The following DNAJC25 variants were observed in gnomAD, a reference collection of about 807,000 sequenced individuals.
DNAJC25 encodes the protein dnaJ homolog subfamily C member 25.
Under a neutral mutation model 42.1 loss-of-function variants are expected in DNAJC25, and 26 were observed. That is an observed-to-expected ratio of 0.62 (90% CI 0.45 to 0.86). DNAJC25 has a LOEUF of 0.86. Ranked by LOEUF, DNAJC25 falls within the 40% of genes least tolerant of loss-of-function variation. DNAJC25 has a pLI of 0.00. For synonymous variants in DNAJC25, 189 were observed against 179.9 expected, an observed-to-expected ratio of 1.05 and a Z score of -0.40; for missense variants, 404 against 459.4, an observed-to-expected ratio of 0.88 and a Z score of 1.10.
chr9:111,637,356 C>T (rs1830379375), intron 1 of DNAJC25, among the ~76,000 whole-genome samples: 1 of 152,108 alleles, frequency 6.6e-6, no homozygotes, highest in Non-Finnish European at 1.5e-5. Context: ...AGAAATGACA[C>T]AATCTTACGT....
chr9:111,645,255 AT>A (rs71737046), intron 1 of DNAJC25, among the ~76,000 whole-genome samples: 45,277 of 143,886 alleles, frequency 0.31, 6,890 homozygotes, highest in East Asian at 0.53. Flanking sequence ...CAGATTCAAA[AT>A]TTTTTTTTTT....
At chr9:111,647,683 C>T (rs1216737153) in intron 2 of DNAJC25, among the ~76,000 whole-genome samples, 1 of 152,216 alleles carries the variant, frequency 6.6e-6, no homozygotes, top group Non-Finnish European at 1.5e-5. Context: ...ATTGTAACAA[C>T]CAGAAATGTC....
In DNAJC25 at chr9:111,647,176, C is replaced by T; in HGVS notation, c.406C>T (p.His136Tyr). Residue 136 changes from histidine to tyrosine, a missense_variant, in exon 2 of 4, where the codon CAC becomes TAC. His to Tyr is a moderately conservative substitution (Grantham distance 83). Transcript: ENST00000313525. ...HPEEYYSHYY[H>Y]YYSRRLAPKV... ...AGAAGAGTACTACAGCCATTACTAC[C>T]ACTACTATAGCAGGCGCTTGGCCCC... The T allele has an allele frequency of 6.2e-7, 1 of 1,614,122 alleles. No homozygotes were observed. Among genetic ancestry groups the T allele is most frequent in the Non-Finnish European group, 8.5e-7 (1 of 1,180,024 alleles).
intron 2 of DNAJC25, 117 bp downstream of exon 2, chr9:111,647,376 G>A (rs2131267778): frequency 1.5e-6 from 2 of 1,339,978 alleles, no homozygotes; most frequent in African/African-American, 1.5e-5. Flanking sequence ...TTCTAGTTGA[G>A]ATCTGTTTTA....
Position 111,647,264 on chromosome 9 carries a change from G to C in DNAJC25, c.489+5G>C. On this transcript the variant is annotated splice_donor_5th_base_variant and intron_variant, in intron 2 of 3. Coordinates refer to ENST00000313525, the MANE Select transcript of DNAJC25 (RefSeq NM_001015882.3). ...TGTGCTATTTCGGTGTTTCAGGTAT[G>C]TATCAATGGATATTTTTATCTACAT... 1 of 1,613,888 alleles carries C rather than the reference G, an allele frequency of 6.2e-7. No individual in the cohort carries two copies. The highest frequency in any genetic ancestry group is 1.1e-5 in the South Asian group (1 of 91,008).
At chr9:111,653,010 A>G in intron 3 of DNAJC25, 90 bp from the exon 4 acceptor site, 1 of 1,346,568 alleles carries the variant, frequency 7.4e-7, no homozygotes, top group Non-Finnish European at 9.7e-7. Flanking sequence ...TTTACCTAAC[A>G]TTATGTTAGA....
chr9:111,654,119 C>T lies in DNAJC25; in HGVS notation c.*897C>T, dbSNP rs1481215676. Reference sequence around the variant, plus strand: ...GTGAAAAATCCGTTGTACATGAGAACATTTCTATGCATTTAAGCCAGAAAC... The same window carrying T: ...GTGAAAAATCCGTTGTACATGAGAATATTTCTATGCATTTAAGCCAGAAAC... On this transcript the variant is annotated 3_prime_UTR_variant, in exon 4 of 4. Coordinates refer to ENST00000313525, the MANE Select transcript of DNAJC25 (RefSeq NM_001015882.3). The T allele has an allele frequency of 6.6e-6, 1 of 152,046 alleles. No homozygotes were observed. The highest frequency in any genetic ancestry group is 2.4e-5 in the African/African-American group (1 of 41,386). The allele number at this position is 152,046 out of a possible 1,614,324, so 9.4% of individuals were successfully genotyped here.
intron 1 of DNAJC25, among the ~76,000 whole-genome samples, chr9:111,645,124 A>T (rs771687501): frequency 6.6e-6 from 1 of 152,248 alleles, no homozygotes; most frequent in Non-Finnish European, 1.5e-5. Flanking sequence ...GGCCCTCCAT[A>T]TAAATATATT....
chr9:111,647,399 G>T, intron 2 of DNAJC25, 140 bp downstream of exon 2: 1 of 1,129,694 alleles, frequency 8.9e-7, no homozygotes, highest in Non-Finnish European at 1.2e-6. Context: ...CATTGGCAAT[G>T]TTGGAATCTT....
At chr9:111,637,732 G>C (rs148729124) in intron 1 of DNAJC25, among the ~76,000 whole-genome samples, 4 of 152,162 alleles carry the variant, frequency 2.6e-5, no homozygotes, top group African/African-American at 4.8e-5. Flanking sequence ...GATCTGATCA[G>C]ATTGACTGCT....
chr9:111,648,264 GT>G (rs140488738), intron 2 of DNAJC25, among the ~76,000 whole-genome samples: 40,667 of 145,832 alleles, frequency 0.28, 5,871 homozygotes, highest in East Asian at 0.44. Flanking sequence ...AAACGATTCA[GT>G]TTTTTTTTTT....
At chr9:111,640,061 CGAATGCCTGCGA>C (rs1406543486) in intron 1 of DNAJC25, among the ~76,000 whole-genome samples, 1 of 151,598 alleles carries the variant, frequency 6.6e-6, no homozygotes, top group Non-Finnish European at 1.5e-5. Context: ...CTCAGTCTGC[CGAATGCCTGCGA>C]TTGCAGGCAC....
In DNAJC25 at chr9:111,631,363, T is replaced by TGTC; in HGVS notation, c.-44_-43insTCG. On this transcript the variant is annotated 5_prime_UTR_variant, in exon 1 of 4. Transcript: ENST00000313525. ...GGGACTAGCCGGGCGCGCGGCTGAG[T>TGTC]GCTGCAGAATCGCTGGGGTGGCAGA... The TGTC allele has an allele frequency of 7.9e-7, 1 of 1,265,232 alleles. No homozygotes were observed. The allele number at this position is 1,265,232 out of a possible 1,614,324, so 78.4% of individuals were successfully genotyped here.
At chr9:111,648,062 C>A (rs536345610) in intron 2 of DNAJC25, among the ~76,000 whole-genome samples, 1 of 152,216 alleles carries the variant, frequency 6.6e-6, no homozygotes. Context: ...CAGGCGTGAG[C>A]CACTGTGCCC....
intron 1 of DNAJC25, among the ~76,000 whole-genome samples, chr9:111,645,963 A>G (rs1360004648): frequency 2.0e-5 from 3 of 151,992 alleles, no homozygotes; most frequent in Non-Finnish European, 4.4e-5. Context: ...TGTAAAGACA[A>G]GGTCTCACTA....
At chr9:111,652,514 C>CAAA (rs1308204248) in intron 3 of DNAJC25, among the ~76,000 whole-genome samples, 5 of 64,574 alleles carry the variant, frequency 7.7e-5, no homozygotes, top group African/African-American at 1.7e-4. Flanking sequence ...GACCCTGTCT[C>CAAA]AAAAAAAAAA....
intron 1 of DNAJC25, among the ~76,000 whole-genome samples, chr9:111,642,162 T>A (rs1830485817): frequency 6.9e-6 from 1 of 145,854 alleles, no homozygotes; most frequent in South Asian, 2.2e-4. Flanking sequence ...CTTTGTGGAA[T>A]AGAAAGGCGG....
At chr9:111,651,244 A>G (rs549812883) in intron 3 of DNAJC25, among the ~76,000 whole-genome samples, 1 of 145,438 alleles carries the variant, frequency 6.9e-6, no homozygotes, top group South Asian at 2.2e-4. Context: ...GGCCTGAGCA[A>G]CAGAGTGAGA....
chr9:111,639,742 T>C (rs1407586058), intron 1 of DNAJC25, among the ~76,000 whole-genome samples: 1 of 151,292 alleles, frequency 6.6e-6, no homozygotes, highest in African/African-American at 2.4e-5. Context: ...AATAGTAAGA[T>C]TAATATATAT....
Sources: gnomAD v4.1 joint callset for allele counts (sites outside exome capture counted in the v4.1 genomes callset) on GRCh38, gnomAD v4.1.1 for gene constraint, MANE v1.5 for transcripts, NCBI Gene and HGNC (gene_info 2026-07-23, HGNC 2026-07-21) for gene names.